GLRA3: variants seen among roughly 807,000 people sequenced by gnomAD.
GLRA3 encodes the protein glycine receptor subunit alpha-3.
GLRA3 carries 44 observed loss-of-function variants against 60.4 expected under a neutral mutation model. The ratio of observed to expected loss-of-function variants is 0.73; its 90% CI spans 0.57 to 0.94. The LOEUF is 0.94. GLRA3 is among the 40% of genes least tolerant of loss of function. The pLI is 0.00. For missense variants in GLRA3, 508 were observed against 564.6 expected, an observed-to-expected ratio of 0.90 and a Z score of 1.02; for synonymous variants, 223 against 192.9, an observed-to-expected ratio of 1.16 and a Z score of -1.29.
At chr4:174,664,245 G>A (rs1733572047) in intron 7 of GLRA3, among the ~76,000 whole-genome samples, 1 of 152,016 alleles carries the variant, frequency 6.6e-6, no homozygotes, top group Non-Finnish European at 1.5e-5. Flanking sequence ...CTATCCCTAT[G>A]GATTCAGTTC....
At chr4:174,681,588 G>C (rs1304893341) in intron 6 of GLRA3, among the ~76,000 whole-genome samples, 1 of 152,130 alleles carries the variant, frequency 6.6e-6, no homozygotes, top group African/African-American at 2.4e-5. Flanking sequence ...TCCAGAAATA[G>C]GTAGTCAGGA....
At chr4:174,703,896 T>C (rs1324131401) in intron 5 of GLRA3, among the ~76,000 whole-genome samples, 1 of 152,138 alleles carries the variant, frequency 6.6e-6, no homozygotes, top group African/African-American at 2.4e-5. Context: ...TGTTTGGGGA[T>C]ATGCTACCAA....
At chr4:174,695,217 G>T (rs549112824) in intron 5 of GLRA3, among the ~76,000 whole-genome samples, 1 of 151,938 alleles carries the variant, frequency 6.6e-6, no homozygotes, top group African/African-American at 2.4e-5. Flanking sequence ...GAGGAGGAGG[G>T]ACTCCTCCTC....
chr4:174,780,785 C>T (rs910305752), intron 2 of GLRA3, among the ~76,000 whole-genome samples: 1 of 151,888 alleles, frequency 6.6e-6, no homozygotes, highest in Non-Finnish European at 1.5e-5. Context: ...ATATATGCAC[C>T]CAATACAGGA....
chr4:174,642,137 C>T lies in GLRA3; in HGVS notation c.*1649G>A. On this transcript the variant is annotated 3_prime_UTR_variant, in exon 10 of 10. Coordinates refer to ENST00000274093, the MANE Select transcript of GLRA3 (RefSeq NM_006529.4). ...GAACTTGGTCTTTTACTAGCAAAAA[C>T]TGCTTAACATTTACTATTTTTTAAA... 1 of 879,864 alleles carries T rather than the reference C, an allele frequency of 1.1e-6. No homozygotes were observed. Among genetic ancestry groups the T allele is most frequent in the Middle Eastern group, 5.8e-4 (1 of 1,710 alleles). The allele number at this position is 879,864 out of a possible 1,614,324, so 54.5% of individuals were successfully genotyped here.
intron 5 of GLRA3, chr4:174,713,685 C>T (rs1735805147): frequency 6.6e-6 from 1 of 152,062 alleles, no homozygotes; most frequent in Non-Finnish European, 1.5e-5. Context: ...TTTAATTTGC[C>T]ATCTTTGCCT....
intron 1 of GLRA3, among the ~76,000 whole-genome samples, chr4:174,806,060 C>T (rs1740037657): frequency 6.6e-6 from 1 of 152,110 alleles, no homozygotes; most frequent in African/African-American, 2.4e-5. Flanking sequence ...AAAGGTATAG[C>T]AAAGACTTTT....
In GLRA3 at chr4:174,677,170, T is replaced by C. The variant is rs1734158096; in HGVS notation, c.835A>G (p.Met279Val). Reference protein sequence around the residue: ...ILSWVSFWINMDAAPARVALG... With the variant: ...ILSWVSFWINVDAAPARVALG... ...GCTACCCTGGCCGGTGCTGCATCCA[T>C]GTTGATCCAGAATGAAACCCAGGAT... The change falls in exon 7 of 10, where the codon ATG (methionine) becomes GTG (valine). Residue 279 changes from methionine to valine, a missense_variant. This residue lies in a region of GLRA3 where 329 missense variants were observed against 349.3 expected (regional missense o/e 0.94). Coordinates refer to ENST00000274093, the MANE Select transcript of GLRA3 (RefSeq NM_006529.4). The C allele has an allele frequency of 1.9e-6, 3 of 1,612,890 alleles. No individual in the cohort carries two copies. The highest frequency in any genetic ancestry group is 2.5e-6 in the Non-Finnish European group (3 of 1,178,904).
intron 3 of GLRA3, among the ~76,000 whole-genome samples, chr4:174,762,237 C>G (rs1737968038): frequency 6.6e-6 from 1 of 152,058 alleles, no homozygotes. Flanking sequence ...GTAGCCAGTC[C>G]CATAAGGTGC....
intron 2 of GLRA3, among the ~76,000 whole-genome samples, chr4:174,780,179 AT>A (rs1466942231): frequency 1.4e-5 from 2 of 146,030 alleles, no homozygotes; most frequent in Non-Finnish European, 3.0e-5. Context: ...AAAGAAAAGA[AT>A]TTTCAACCCA....
At chr4:174,687,216 A>C (rs961598821) in intron 5 of GLRA3, among the ~76,000 whole-genome samples, 5 of 152,204 alleles carry the variant, frequency 3.3e-5, no homozygotes, top group Non-Finnish European at 7.3e-5. Flanking sequence ...TTATTTATGA[A>C]TGTCTTTGAT....
At position 174,728,726 on chromosome 4, in the gene GLRA3, A is replaced by G. The variant is rs561709636; in HGVS notation, c.268-28T>C. On this transcript the variant is annotated intron_variant, in intron 3 of 9. Coordinates refer to ENST00000274093, the MANE Select transcript of GLRA3 (RefSeq NM_006529.4). ...ATGATAAAATAATGAAAGAAAGAAAAAAAAAAACCCTGCTTTAAAAAGTTT... is the reference window on the plus strand; with the variant it reads ...ATGATAAAATAATGAAAGAAAGAAAGAAAAAAACCCTGCTTTAAAAAGTTT... 1.2e-4 allele frequency: 165 copies of G among 1,363,244 alleles called. No individual in the cohort carries two copies. In the Middle Eastern group the frequency reaches 1.3e-3, roughly 11 times the overall value. 84.4% of individuals were successfully genotyped at this position (1,363,244 alleles called of 1,614,324 possible).
intron 5 of GLRA3, among the ~76,000 whole-genome samples, chr4:174,711,524 C>T (rs1054177764): frequency 6.6e-6 from 1 of 151,578 alleles, no homozygotes; most frequent in Non-Finnish European, 1.5e-5. Context: ...ACTGCAACCC[C>T]CACCTCCCGG....
chr4:174,764,727 TACA>T (rs1738073264), intron 3 of GLRA3, among the ~76,000 whole-genome samples: 1 of 151,842 alleles, frequency 6.6e-6, no homozygotes, highest in Non-Finnish European at 1.5e-5. Flanking sequence ...GTGAATAAAA[TACA>T]ACAACTTAAC....
rs781655869 is a variant in GLRA3, at chr4:174,728,683, T to C, written c.283A>G (p.Ile95Val). 1 of 1,583,112 alleles carries C rather than the reference T, an allele frequency of 6.3e-7. No homozygotes were observed. Among genetic ancestry groups the C allele is most frequent in the South Asian group, 1.1e-5 (1 of 89,798 alleles). The part of the protein sequence containing the change: ...AETTMDYRVN[I>V]FLRQKWNDPR... ...TCATTCCATTTCTGACGAAGAAAGA[T>C]ATTCACTCTGTAATCCTATGATAAA... The change falls in exon 4 of 10, where the codon ATC becomes GTC. Residue 95 changes from isoleucine (I) to valine (V), a missense_variant. Coordinates refer to ENST00000274093, the MANE Select transcript of GLRA3 (RefSeq NM_006529.4).
At position 174,740,935 on chromosome 4, in the gene GLRA3, G is replaced by A. The variant is rs746806200; in HGVS notation, c.268-12237C>T. The stretch of plus-strand genomic sequence containing the variant: ...TCAGTTTATTCCTCCTAATTGCTGA[G>A]TTGCATTCAATTGTACGGGCGTGCC... On this transcript the variant is annotated intron_variant, in intron 3 of 9. Coordinates refer to ENST00000274093, the MANE Select transcript of GLRA3 (RefSeq NM_006529.4). Among the ~76,000 whole-genome samples the A allele has an allele frequency of 2.8e-4, 43 of 152,172 alleles. 1 individual carries two copies. Among genetic ancestry groups the A allele is most frequent in the Non-Finnish European group, 7.3e-5 (5 of 68,048 alleles).
Position 174,776,313 on chromosome 4 carries a change from C to T in GLRA3, c.200-9283G>A, listed in dbSNP as rs111941075. 3.2e-3 allele frequency among the ~76,000 whole-genome samples: 487 copies of T among 152,182 alleles called. 2 individuals carry two copies. The highest frequency in any genetic ancestry group is 0.011 in the African/African-American group (457 of 41,522). ...TGCAGCCTGTGTCAGAGTTCCCTTT[C>T]GAAGTAGAGAAATAACAGAAAAATG... On this transcript the variant is annotated intron_variant, in intron 2 of 9. Transcript: ENST00000274093.
At position 174,640,796 on chromosome 4, in the gene GLRA3, T is replaced by A. The variant is rs1306912388; in HGVS notation, c.*2990A>T. 6.6e-6 allele frequency: 1 copy of A among 152,044 alleles called. No homozygotes were observed. The highest frequency in any genetic ancestry group is 1.5e-5 in the Non-Finnish European group (1 of 67,960). 9.4% of individuals were successfully genotyped at this position (152,044 alleles called of 1,614,324 possible). A position where few individuals can be genotyped will look rare whatever the true frequency, so the allele number is the denominator to read the frequency against. On this transcript the variant is annotated 3_prime_UTR_variant, in exon 10 of 10. Transcript: ENST00000274093. The stretch of plus-strand genomic sequence containing the variant: ...AAGTTATTAGAATATATCAACAGAA[T>A]AAGAATTAATTTTAGAATAAGATGA...
chr4:174,737,763 C>T (rs528317012), intron 3 of GLRA3, among the ~76,000 whole-genome samples: 5 of 152,164 alleles, frequency 3.3e-5, no homozygotes, highest in East Asian at 1.9e-4. Flanking sequence ...CCGCACGCCT[C>T]GATCTCCCAA....
Sources: allele counts gnomAD v4.1 joint callset (sites outside exome capture counted in the v4.1 genomes callset), GRCh38; gene constraint gnomAD v4.1.1; regional missense constraint gnomAD v4.1.1; transcripts MANE v1.5; gene names NCBI Gene and HGNC (gene_info 2026-07-23, HGNC 2026-07-21).